PLEKHA5: variants seen among roughly 807,000 people sequenced by gnomAD.
The protein encoded by PLEKHA5 is pleckstrin homology domain containing A5.
In PLEKHA5, 55 loss-of-function variants were observed where a neutral mutation model predicts 181.9. The ratio of observed to expected loss-of-function variants is 0.30; its 90% CI spans 0.24 to 0.38. The LOEUF (loss-of-function observed/expected upper bound fraction) is 0.38. PLEKHA5 is among the 10% of genes least tolerant of loss of function. The probability of loss-of-function intolerance (pLI) is 1.00; values close to 1 mark genes in which losing one functional copy is unlikely to be tolerated. For synonymous variants in PLEKHA5, 535 were observed against 529.4 expected (o/e 1.01, Z -0.15); for missense variants, 1,432 against 1,549.5 (o/e 0.92, Z 1.27).
Position 19,321,060 on chromosome 12 carries a change from G to A in PLEKHA5, c.2217+436G>A, listed in dbSNP as rs142880690. On this transcript the variant is annotated intron_variant, in intron 18 of 31. Transcript: ENST00000429027. ...TACACGCTTGTAATCCCAGCTACTC[G>A]GGAGTCTGAGGCCTGAGAATCTCTT... 1.1e-3 allele frequency among the ~76,000 whole-genome samples: 166 copies of A among 151,842 alleles called. 1 individual carries two copies. The highest frequency in any genetic ancestry group is 4.0e-3 in the African/African-American group (164 of 41,438).
intron 3 of PLEKHA5, among the ~76,000 whole-genome samples, chr12:19,155,143 C>T (rs549562574): frequency 5.3e-5 from 8 of 152,276 alleles, no homozygotes; most frequent in African/African-American, 1.7e-4. Flanking sequence ...ATTCAAAAAA[C>T]GTACATAGGA....
chr12:19,280,053 T>G (rs1370459334), intron 11 of PLEKHA5, among the ~76,000 whole-genome samples: 2 of 137,414 alleles, frequency 1.5e-5, no homozygotes, highest in Non-Finnish European at 3.1e-5. Flanking sequence ...TTTTTTTTTT[T>G]TTTTTTTTTT....
intron 15 of PLEKHA5, among the ~76,000 whole-genome samples, chr12:19,305,217 A>T (rs778537018): frequency 2.0e-4 from 31 of 152,146 alleles, no homozygotes; most frequent in Non-Finnish European, 1.5e-4. Flanking sequence ...AGATCCTAGT[A>T]GATGTAATTA....
chr12:19,263,268 G>A (rs898573875), intron 7 of PLEKHA5, among the ~76,000 whole-genome samples: 12 of 152,050 alleles, frequency 7.9e-5, no homozygotes, highest in African/African-American at 1.7e-4. Context: ...ACCTGATAAC[G>A]TGGGGAATCT....
rs368831883 is a variant in PLEKHA5 at position 19,183,790 on chromosome 12, C to T, written c.227+51340C>T. On this transcript the variant is annotated intron_variant, in intron 3 of 31. Coordinates refer to ENST00000429027, the MANE Select transcript of PLEKHA5 (RefSeq NM_001256470.2). ...GCACAGTGGCGTGATCTTGGCTCAC[C>T]GCACCCTCTGCCTGCCAGGTTCAAA... is the stretch of plus-strand genomic sequence containing the variant. 5.3e-5 allele frequency among the ~76,000 whole-genome samples: 8 copies of T among 152,184 alleles called. No homozygotes were observed. The South Asian group carries it at 1.2e-3, about 24-fold the overall frequency.
chr12:19,180,259 T>A (rs2048248981), intron 3 of PLEKHA5, among the ~76,000 whole-genome samples: 1 of 152,166 alleles, frequency 6.6e-6, no homozygotes, highest in African/African-American at 2.4e-5. Context: ...TTTAAATCAC[T>A]GTTGGGATTT....
intron 3 of PLEKHA5, among the ~76,000 whole-genome samples, chr12:19,140,703 AT>A (rs2037001259): frequency 6.6e-6 from 1 of 152,238 alleles, no homozygotes; most frequent in Non-Finnish European, 1.5e-5. Flanking sequence ...ATCCCAGGGC[AT>A]TTTTTTCTTC....
In PLEKHA5 at chr12:19,283,692, A is replaced by G. The variant is rs758048513; in HGVS notation, c.1726A>G (p.Ile576Val). The G allele has an allele frequency of 6.2e-7, 1 of 1,614,086 alleles. No individual in the cohort carries two copies. Among genetic ancestry groups the G allele is most frequent in the Non-Finnish European group, 8.5e-7 (1 of 1,179,992 alleles). Residue 576 changes from isoleucine (I) to valine (V), a missense_variant, in exon 12 of 32, where the codon ATT becomes GTT. Coordinates refer to ENST00000429027, the MANE Select transcript of PLEKHA5 (RefSeq NM_001256470.2). ...TTACAGATCGGAAGTGTCTTCACCA[A>G]TTCAGAGAGGAGATGTGACAATAGA... ...RTYRSEVSSPIQRGDVTIDRR... is the reference protein window; with the variant it reads ...RTYRSEVSSPVQRGDVTIDRR...
At chr12:19,340,298 A>G (rs2093754512) in intron 21 of PLEKHA5, among the ~76,000 whole-genome samples, 1 of 152,100 alleles carries the variant, frequency 6.6e-6, no homozygotes, top group Admixed American at 6.6e-5. Context: ...TGTTTGAAAA[A>G]TAGTTCAAAG....
At chr12:19,155,004 A>G (rs913044654) in intron 3 of PLEKHA5, among the ~76,000 whole-genome samples, 2 of 152,190 alleles carry the variant, frequency 1.3e-5, no homozygotes, top group African/African-American at 4.8e-5. Context: ...AGGCATCAGA[A>G]AGAAAATGAG....
chr12:19,352,547 G>A lies in PLEKHA5; in HGVS notation c.3020-1337G>A, dbSNP rs11044509. On this transcript the variant is annotated intron_variant, in intron 25 of 31. Transcript: ENST00000429027. The stretch of plus-strand genomic sequence containing the variant: ...GTTGAACTAACTTGTTAACGATGAT[G>A]ATAGAGATGTATCAGTATGACAAAG... Among the ~76,000 whole-genome samples, 547 of 147,228 alleles carry A rather than the reference G, an allele frequency of 3.7e-3. 8 individuals carry two copies. In the East Asian group the frequency reaches 0.053, roughly 14 times the overall value.
In PLEKHA5 at chr12:19,129,769, A is replaced by T; in HGVS notation, c.-31A>T. The T allele has an allele frequency of 6.5e-7, 1 of 1,538,338 alleles. No homozygotes were observed. Among genetic ancestry groups the T allele is most frequent in the South Asian group, 1.1e-5 (1 of 87,874 alleles). ...CCTCGGCAGCCGCGGCGGCAGCAGG[A>T]GAAGGCGGCGGCGGCGGCTAGGGAT... On this transcript the variant is annotated 5_prime_UTR_variant, in exon 1 of 32. Coordinates refer to ENST00000429027, the MANE Select transcript of PLEKHA5 (RefSeq NM_001256470.2).
At chr12:19,263,358 G>T (rs977158888) in intron 7 of PLEKHA5, among the ~76,000 whole-genome samples, 1 of 152,106 alleles carries the variant, frequency 6.6e-6, no homozygotes, top group Non-Finnish European at 1.5e-5. Context: ...GCACAGTCAG[G>T]ATTTGAACTC....
chr12:19,324,835 T>C (rs1316817842), intron 20 of PLEKHA5, among the ~76,000 whole-genome samples: 2 of 152,138 alleles, frequency 1.3e-5, no homozygotes, highest in African/African-American at 4.8e-5. Flanking sequence ...AAAGGGAAAA[T>C]GGGGTTAAAC....
chr12:19,365,315 T>G (rs533427184), intron 29 of PLEKHA5, among the ~76,000 whole-genome samples: 2 of 147,410 alleles, frequency 1.4e-5, no homozygotes, highest in South Asian at 2.1e-4. Flanking sequence ...GCAGTGAGCC[T>G]AGATCGCGCC....
chr12:19,274,898 G>A lies in PLEKHA5; in HGVS notation c.1228G>A (p.Val410Ile). 6.2e-7 allele frequency: 1 copy of A among 1,613,994 alleles called. No individual in the cohort carries two copies. The highest frequency in any genetic ancestry group is 8.5e-7 in the Non-Finnish European group (1 of 1,180,020). ...GCCCTTATACACAGAGGCCGATCGA[G>A]TCATACAGAGAACAAATTCAATGCA... Reference protein sequence around the residue: ...TGPLYTEADRVIQRTNSMQQL... With the variant: ...TGPLYTEADRIIQRTNSMQQL... Residue 410 changes from valine (V) to isoleucine (I), a missense_variant, in exon 11 of 32, where the codon GTC becomes ATC. Val to Ile is a conservative substitution (Grantham distance 29, BLOSUM62 3). Transcript: ENST00000429027.
chr12:19,276,844 A>G (rs1379586201), intron 11 of PLEKHA5, among the ~76,000 whole-genome samples: 1 of 152,232 alleles, frequency 6.6e-6, no homozygotes, highest in Non-Finnish European at 1.5e-5. Context: ...CACAATATAC[A>G]TATTTCAAAA....
rs1210797618 is a variant in PLEKHA5, at chr12:19,129,772, A to G, written c.-28A>G. 3.3e-6 allele frequency: 5 copies of G among 1,528,066 alleles called. No homozygotes were observed. Among genetic ancestry groups the G allele is most frequent in the Non-Finnish European group, 3.6e-6 (4 of 1,118,484 alleles). The allele number at this position is 1,528,066 out of a possible 1,614,324, so 94.7% of individuals were successfully genotyped here. On this transcript the variant is annotated 5_prime_UTR_variant, in exon 1 of 32. Coordinates refer to ENST00000429027, the MANE Select transcript of PLEKHA5 (RefSeq NM_001256470.2). ...CGGCAGCCGCGGCGGCAGCAGGAGA[A>G]GGCGGCGGCGGCGGCTAGGGATCAG...
At chr12:19,155,382 A>G (rs1305303572) in intron 3 of PLEKHA5, among the ~76,000 whole-genome samples, 2 of 152,168 alleles carry the variant, frequency 1.3e-5, no homozygotes. Flanking sequence ...TGGGAATGGA[A>G]GAAAGCTAGA....
Sources: gnomAD v4.1 joint callset for allele counts (sites outside exome capture counted in the v4.1 genomes callset) on GRCh38, gnomAD v4.1.1 for gene constraint, MANE v1.5 for transcripts, NCBI Gene and HGNC (gene_info 2026-07-23, HGNC 2026-07-21) for gene names.